Variants in SLC24A2 observed in about 807,000 individuals in gnomAD.
The protein encoded by SLC24A2 is solute carrier family 24 member 2, also known as sodium/potassium/calcium exchanger 2.
Under a neutral mutation model 62.0 loss-of-function variants are expected in SLC24A2, and 36 were observed. That is an observed-to-expected ratio of 0.58 (90% CI 0.44 to 0.77). The LOEUF is 0.77. SLC24A2 is among the 30% of genes least tolerant of loss of function. The pLI, the probability that SLC24A2 is intolerant of heterozygous loss-of-function variation, is 0.00. For synonymous variants in SLC24A2, 358 were observed against 294.0 expected, an observed-to-expected ratio of 1.22 and a Z score of -2.23; for missense variants, 846 against 817.9, an observed-to-expected ratio of 1.03 and a Z score of -0.42.
the SLC24A2 span, among the ~76,000 whole-genome samples, chr9:19,918,168 GTGTA>G: frequency 7.3e-6 from 1 of 137,624 alleles, no homozygotes; most frequent in Admixed American, 7.6e-5. Flanking sequence ...GTGTGTGTGT[GTGTA>G]TACATACACA....
intron 9 of SLC24A2, among the ~76,000 whole-genome samples, chr9:19,527,108 A>G (rs1343184863): frequency 6.6e-6 from 1 of 152,138 alleles, no homozygotes; most frequent in Admixed American, 6.5e-5. Flanking sequence ...GTCTATTCAC[A>G]TGTTCTCAGT....
intron 2 of SLC24A2, among the ~76,000 whole-genome samples, chr9:19,734,865 T>C (rs1446381546): frequency 2.0e-5 from 3 of 152,088 alleles, no homozygotes; most frequent in African/African-American, 7.2e-5. Flanking sequence ...TAATTCTAGA[T>C]GGATTAAAGA....
chr9:20,110,236 T>C, the SLC24A2 span, among the ~76,000 whole-genome samples: 2 of 149,936 alleles, frequency 1.3e-5, no homozygotes, highest in Non-Finnish European at 3.0e-5. Context: ...CACCATATTA[T>C]AGAATTTTTA....
intron 2 of SLC24A2, among the ~76,000 whole-genome samples, chr9:19,626,160 C>A (rs1199151590): frequency 6.6e-6 from 1 of 152,104 alleles, no homozygotes; most frequent in Non-Finnish European, 1.5e-5. Flanking sequence ...TCCTTGAAAG[C>A]GAGAAATGAT....
the SLC24A2 span, among the ~76,000 whole-genome samples, chr9:20,031,340 G>C: frequency 8.9e-6 from 1 of 112,002 alleles, no homozygotes; most frequent in Non-Finnish European, 1.8e-5. Flanking sequence ...CCATATATAT[G>C]TACACACACT....
the SLC24A2 span, among the ~76,000 whole-genome samples, chr9:19,910,299 C>T: frequency 6.6e-6 from 1 of 152,068 alleles, no homozygotes; most frequent in Non-Finnish European, 1.5e-5. Flanking sequence ...CTGATATGAT[C>T]TAAAAATTTT....
the SLC24A2 span, among the ~76,000 whole-genome samples, chr9:20,264,059 C>G: frequency 1.3e-5 from 2 of 152,160 alleles, no homozygotes; most frequent in African/African-American, 4.8e-5. Context: ...TCCTGCCAAT[C>G]TGACTTCTAT....
At chr9:19,958,512 C>T in the SLC24A2 span, among the ~76,000 whole-genome samples, 1 of 152,204 alleles carries the variant, frequency 6.6e-6, no homozygotes, top group East Asian at 1.9e-4. Flanking sequence ...TACTGTACTC[C>T]AGGCAGGTCT....
chr9:19,760,491 A>G (rs1443008065), intron 2 of SLC24A2, among the ~76,000 whole-genome samples: 2 of 151,888 alleles, frequency 1.3e-5, no homozygotes, highest in Non-Finnish European at 2.9e-5. Flanking sequence ...TACATTAGGT[A>G]TTTCTCCTAA....
At chr9:20,276,188 G>A in the SLC24A2 span, among the ~76,000 whole-genome samples, 15 of 152,214 alleles carry the variant, frequency 9.9e-5, no homozygotes, top group East Asian at 5.8e-4. Context: ...AAGCTAAGTC[G>A]CTTCTGCCTA....
chr9:19,994,757 C>T, the SLC24A2 span, among the ~76,000 whole-genome samples: 4 of 152,192 alleles, frequency 2.6e-5, no homozygotes, highest in African/African-American at 9.7e-5. Flanking sequence ...CACCGGTCCT[C>T]AACAACTCTC....
At chr9:19,990,446 C>T in the SLC24A2 span, among the ~76,000 whole-genome samples, 71 of 151,794 alleles carry the variant, frequency 4.7e-4, 1 homozygote, top group African/African-American at 1.7e-3. Context: ...CCCGTCTCTA[C>T]TAAAATACAA....
chr9:19,828,202 A>G, the SLC24A2 span, among the ~76,000 whole-genome samples: 3 of 152,232 alleles, frequency 2.0e-5, no homozygotes, highest in Non-Finnish European at 4.4e-5. Context: ...GTATTGAATA[A>G]GATCTAGTAT....
chr9:19,909,535 G>C, the SLC24A2 span, among the ~76,000 whole-genome samples: 1 of 151,954 alleles, frequency 6.6e-6, no homozygotes, highest in Non-Finnish European at 1.5e-5. Context: ...AAGGGAAAAA[G>C]GTTTTGGGGT....
the SLC24A2 span, among the ~76,000 whole-genome samples, chr9:20,040,222 G>T: frequency 9.9e-5 from 15 of 152,244 alleles, no homozygotes; most frequent in East Asian, 2.9e-3. Context: ...TGTTGTTAGT[G>T]TTTAAAGATT....
At chr9:19,737,642 T>C (rs1443361556) in intron 2 of SLC24A2, among the ~76,000 whole-genome samples, 1 of 151,968 alleles carries the variant, frequency 6.6e-6, no homozygotes, top group Non-Finnish European at 1.5e-5. Flanking sequence ...ATAAGAAACA[T>C]CTAGAATATC....
chr9:20,210,883 A>G, the SLC24A2 span, among the ~76,000 whole-genome samples: 3 of 151,634 alleles, frequency 2.0e-5, no homozygotes, highest in Admixed American at 2.0e-4. Context: ...GAGAAATTTG[A>G]CATGTGATTA....
At chr9:19,923,986 G>A in the SLC24A2 span, among the ~76,000 whole-genome samples, 2 of 152,156 alleles carry the variant, frequency 1.3e-5, no homozygotes, top group African/African-American at 4.8e-5. Context: ...TGGTACACCT[G>A]CCTCGGCCTC....
the SLC24A2 span, among the ~76,000 whole-genome samples, chr9:20,079,520 G>A: frequency 2.0e-5 from 3 of 152,076 alleles, no homozygotes; most frequent in Non-Finnish European, 2.9e-5. Context: ...TGGACATACT[G>A]CACATTGGCC....
Sources: allele counts gnomAD v4.1 joint callset (sites outside exome capture counted in the v4.1 genomes callset), GRCh38; gene constraint gnomAD v4.1.1; transcripts MANE v1.5; gene names NCBI Gene and HGNC (gene_info 2026-07-23, HGNC 2026-07-21).